The following DLC1 variants were observed in gnomAD, a reference collection of about 807,000 sequenced individuals.
DLC1 encodes the protein DLC1 Rho GTPase activating protein, also known as rho GTPase-activating protein 7.
A neutral mutation model predicts 140.3 loss-of-function variants in DLC1; 54 were observed. The ratio of observed to expected loss-of-function variants is 0.38; its 90% CI spans 0.31 to 0.48. The LOEUF (loss-of-function observed/expected upper bound fraction) is 0.48, where lower values mean the gene tolerates loss of function less well. Ranked by LOEUF, DLC1 falls within the 20% of genes least tolerant of loss-of-function variation. The probability of loss-of-function intolerance (pLI) is 0.96; values close to 1 mark genes in which losing one functional copy is unlikely to be tolerated. For missense variants in DLC1, 2,536 were observed against 1,907.0 expected (o/e 1.33, Z -6.14); for synonymous variants, 986 against 728.1 (o/e 1.35, Z -5.70).
chr8:13,598,061 G>A (rs554914055), intron 1 of DLC1, among the ~76,000 whole-genome samples: 4 of 151,970 alleles, frequency 2.6e-5, no homozygotes, highest in South Asian at 2.1e-4. Flanking sequence ...CTAAGTAAAC[G>A]CCACTAGGCT....
chr8:13,453,896 A>G (rs1005862710), intron 2 of DLC1, among the ~76,000 whole-genome samples: 3 of 152,078 alleles, frequency 2.0e-5, no homozygotes, highest in African/African-American at 7.2e-5. Context: ...AAGTTGTAAA[A>G]CAGAAATGCC....
intron 5 of DLC1, among the ~76,000 whole-genome samples, chr8:13,209,940 TAA>T (rs557831093): frequency 2.0e-5 from 3 of 152,160 alleles, no homozygotes; most frequent in Non-Finnish European, 4.4e-5. Flanking sequence ...AAGGACAGCC[TAA>T]CACACCCTGT....
intron 5 of DLC1, among the ~76,000 whole-genome samples, chr8:13,291,064 C>A (rs3843802): frequency 2.0e-5 from 3 of 152,014 alleles, no homozygotes; most frequent in Admixed American, 6.5e-5. Flanking sequence ...TGTGCCACCA[C>A]GCCTGGCTAA....
intron 4 of DLC1, among the ~76,000 whole-genome samples, chr8:13,312,339 C>G (rs113348323): frequency 1.2e-5 from 1 of 80,352 alleles, no homozygotes; most frequent in African/African-American, 4.8e-5. Flanking sequence ...CCAGCCTGGG[C>G]GACAGAGCGA....
intron 4 of DLC1, among the ~76,000 whole-genome samples, chr8:13,337,914 A>T (rs1833875128): frequency 6.6e-6 from 1 of 152,196 alleles, no homozygotes; most frequent in Admixed American, 6.5e-5. Flanking sequence ...CCATATAGGA[A>T]TTGTATATGC....
At position 13,100,238 on chromosome 8, in the gene DLC1, T is replaced by C; in HGVS notation, c.2099A>G (p.Gln700Arg). The C allele has an allele frequency of 1.2e-6, 2 of 1,614,158 alleles. No homozygotes were observed. Among genetic ancestry groups the C allele is most frequent in the Non-Finnish European group, 1.7e-6 (2 of 1,180,032 alleles). ...LGLIISGPIL[Q>R]EGMDEEKLKQ... is the part of the protein sequence containing the mutation. ...CAGCTTCTCCTCATCCATCCCCTCT[T>C]GCAAGATGGGCCCGCTGATGATCAA... The change falls in exon 9 of 18, where the codon CAA (glutamine) becomes CGA (arginine). Residue 700 changes from glutamine to arginine, a missense_variant. Transcript: ENST00000276297.
intron 7 of DLC1, among the ~76,000 whole-genome samples, chr8:13,105,998 G>A (rs1819535404): frequency 6.6e-6 from 1 of 152,220 alleles, no homozygotes; most frequent in African/African-American, 2.4e-5. Context: ...CCAGAAGCCT[G>A]GGCCTTTCCC....
intron 5 of DLC1, among the ~76,000 whole-genome samples, chr8:13,136,898 G>A (rs918103540): frequency 6.6e-6 from 1 of 152,084 alleles, no homozygotes; most frequent in African/African-American, 2.4e-5. Context: ...CAAAACTTCA[G>A]TTTCATCTTT....
rs1230478339 is a variant in DLC1, at chr8:13,495,761, C to G, written c.1023+3288G>C. Among the ~76,000 whole-genome samples, 3 of 152,092 alleles carry G rather than the reference C, an allele frequency of 2.0e-5. No homozygotes were observed. In the East Asian group the frequency reaches 5.8e-4, roughly 29 times the overall value. On this transcript the variant is annotated intron_variant, in intron 2 of 17. Coordinates refer to ENST00000276297, the MANE Select transcript of DLC1 (RefSeq NM_182643.3). ...AGCTTTGCAAAACGATGAATGCCTG[C>G]TAAGATTTATGGGCTTCAAGGAAGG...
chr8:13,525,669 A>T (rs1262727336), intron 1 of DLC1, among the ~76,000 whole-genome samples: 1 of 152,098 alleles, frequency 6.6e-6, no homozygotes, highest in Non-Finnish European at 1.5e-5. Flanking sequence ...CCATTTTCCA[A>T]AATTGGTTTG....
At chr8:13,368,456 A>G (rs1254953821) in intron 4 of DLC1, among the ~76,000 whole-genome samples, 1 of 152,146 alleles carries the variant, frequency 6.6e-6, no homozygotes, top group African/African-American at 2.4e-5. Flanking sequence ...CCCCAAGGAA[A>G]TCATGAAGGA....
At chr8:13,088,897 G>A (rs1197725410) in intron 15 of DLC1, among the ~76,000 whole-genome samples, 193 bp from the exon 16 acceptor site, 2 of 152,164 alleles carry the variant, frequency 1.3e-5, no homozygotes, top group Non-Finnish European at 2.9e-5. Flanking sequence ...TAAATAGGCT[G>A]CTGTCCCCAA....
At chr8:13,172,798 A>G (rs754688035) in intron 5 of DLC1, among the ~76,000 whole-genome samples, 1 of 152,208 alleles carries the variant, frequency 6.6e-6, no homozygotes, top group Non-Finnish European at 1.5e-5. Flanking sequence ...GAAAGTGGGA[A>G]TCAGCTCTCA....
chr8:13,161,749 A>G (rs925932963), intron 5 of DLC1, among the ~76,000 whole-genome samples: 2 of 152,100 alleles, frequency 1.3e-5, no homozygotes, highest in African/African-American at 4.8e-5. Flanking sequence ...TTCCTTGTGG[A>G]TGTCTTTTCT....
chr8:13,253,642 G>A (rs1032254402), intron 5 of DLC1, among the ~76,000 whole-genome samples: 3 of 152,118 alleles, frequency 2.0e-5, no homozygotes, highest in African/African-American at 4.8e-5. Flanking sequence ...TGTTTTAACC[G>A]AAAATAGCAA....
chr8:13,403,208 T>A (rs752964804), intron 2 of DLC1, among the ~76,000 whole-genome samples: 17 of 152,230 alleles, frequency 1.1e-4, no homozygotes, highest in Non-Finnish European at 2.5e-4. Context: ...GAAACAAGAC[T>A]GTGACAGAAA....
At chr8:13,425,395 T>G (rs1386071934) in intron 2 of DLC1, among the ~76,000 whole-genome samples, 1 of 152,182 alleles carries the variant, frequency 6.6e-6, no homozygotes, top group Non-Finnish European at 1.5e-5. Context: ...CTGAGTATTT[T>G]TATTTAGATG....
At chr8:13,602,081 A>T (rs527276846) in intron 1 of DLC1, among the ~76,000 whole-genome samples, 4 of 151,874 alleles carry the variant, frequency 2.6e-5, no homozygotes, top group African/African-American at 9.7e-5. Flanking sequence ...AACATAAATC[A>T]TGAATCTGAG....
rs116716048 is a variant in DLC1 at position 13,436,264 on chromosome 8, G to A, written c.1024-34645C>T. On this transcript the variant is annotated intron_variant, in intron 2 of 17. Coordinates refer to ENST00000276297, the MANE Select transcript of DLC1 (RefSeq NM_182643.3). The stretch of plus-strand genomic sequence containing the variant: ...CTGTATGAATGTGCGTAGGAAACAC[G>A]TTTTGCTGTGTAGAGATAAATTGGT... Among the ~76,000 whole-genome samples the A allele has an allele frequency of 3.1e-3, 469 of 152,272 alleles. 2 individuals carry two copies. The highest frequency in any genetic ancestry group is 0.011 in the African/African-American group (456 of 41,550).
Sources: gnomAD v4.1 joint callset for allele counts (sites outside exome capture counted in the v4.1 genomes callset) on GRCh38, gnomAD v4.1.1 for gene constraint, MANE v1.5 for transcripts, NCBI Gene and HGNC (gene_info 2026-07-23, HGNC 2026-07-21) for gene names.